TCF4: variants seen among roughly 807,000 people sequenced by gnomAD.
The protein encoded by TCF4 is SL3-3 enhancer factor 2.
In TCF4, 3 loss-of-function variants were observed where a neutral mutation model predicts 82.1. The observed-to-expected ratio is 0.04, with a 90% CI of 0.02 to 0.09. The LOEUF (loss-of-function observed/expected upper bound fraction) is 0.09, where lower values mean the gene tolerates loss of function less well. Among genes scored for constraint, TCF4 ranks in the 10% least tolerant of loss-of-function variants. The pLI is 1.00. For missense variants in TCF4, 518 were observed against 852.7 expected (o/e 0.61, Z 4.89); for synonymous variants, 276 against 309.6 (o/e 0.89, Z 1.14).
intron 3 of TCF4, among the ~76,000 whole-genome samples, chr18:55,561,684 T>G (rs993181952): frequency 2.0e-5 from 3 of 152,242 alleles, no homozygotes; most frequent in African/African-American, 7.2e-5. Flanking sequence ...TTTTAGTTTG[T>G]GTTTTAATTT....
chr18:55,479,782 T>C (rs2096381486), intron 3 of TCF4, among the ~76,000 whole-genome samples: 1 of 151,966 alleles, frequency 6.6e-6, no homozygotes, highest in Non-Finnish European at 1.5e-5. Context: ...GCTACTGAAG[T>C]TTGGGGATTG....
chr18:55,573,418 G>A (rs2097495857), intron 3 of TCF4, among the ~76,000 whole-genome samples: 1 of 151,946 alleles, frequency 6.6e-6, no homozygotes, highest in South Asian at 2.1e-4. Context: ...TGTAGAACCA[G>A]CAACCCTGTC....
chr18:55,511,914 G>T (rs535327501), intron 3 of TCF4, among the ~76,000 whole-genome samples: 1 of 151,902 alleles, frequency 6.6e-6, no homozygotes, highest in African/African-American at 2.4e-5. Context: ...AATCATTGCT[G>T]CAAAGCACTA....
intron 4 of TCF4, among the ~76,000 whole-genome samples, chr18:55,462,971 A>C (rs1332056371): frequency 6.6e-6 from 1 of 152,202 alleles, no homozygotes; most frequent in African/African-American, 2.4e-5. Flanking sequence ...ACTTGCTGAA[A>C]TGCCCTCATT....
intron 5 of TCF4, among the ~76,000 whole-genome samples, chr18:55,428,539 G>A (rs1029492573): frequency 7.2e-5 from 11 of 152,044 alleles, no homozygotes; most frequent in African/African-American, 1.9e-4. Context: ...TTCTCCTTTC[G>A]ACCTAGATAT....
chr18:55,272,087 T>A (rs1376674334), intron 10 of TCF4, among the ~76,000 whole-genome samples: 1 of 152,122 alleles, frequency 6.6e-6, no homozygotes, highest in Admixed American at 6.6e-5. Flanking sequence ...TGGGCCCTTT[T>A]AACTTTATGT....
At chr18:55,385,247 A>G (rs1309339363) in intron 6 of TCF4, among the ~76,000 whole-genome samples, 1 of 152,164 alleles carries the variant, frequency 6.6e-6, no homozygotes, top group African/African-American at 2.4e-5. Flanking sequence ...ATTTGAACAA[A>G]ATACAAATAC....
Position 55,283,266 on chromosome 18 carries a change from T to C in TCF4, c.550-3610A>G, listed in dbSNP as rs191840822. On this transcript the variant is annotated intron_variant, in intron 8 of 19. Coordinates refer to ENST00000354452, the MANE Select transcript of TCF4 (RefSeq NM_001083962.2). ...TTCCATTCAATGTTTCCAACTATTA[T>C]TTCTGCACTCATCAAAGAAAAAAAA... Among the ~76,000 whole-genome samples, 6 of 152,194 alleles carry C rather than the reference T, an allele frequency of 3.9e-5. No homozygotes were observed. In the East Asian group the frequency reaches 5.8e-4, roughly 15 times the overall value.
At chr18:55,462,977 T>A (rs2095901546) in intron 4 of TCF4, among the ~76,000 whole-genome samples, 1 of 152,192 alleles carries the variant, frequency 6.6e-6, no homozygotes, top group Non-Finnish European at 1.5e-5. Context: ...TGAAATGCCC[T>A]CATTTTGACA....
intron 15 of TCF4, among the ~76,000 whole-genome samples, chr18:55,250,823 T>C (rs2054831965): frequency 6.6e-6 from 1 of 152,212 alleles, no homozygotes; most frequent in Non-Finnish European, 1.5e-5. Flanking sequence ...GGCAGAGTCA[T>C]ATCTATAAAA....
At chr18:55,376,018 CTT>C (rs772990901) in intron 6 of TCF4, among the ~76,000 whole-genome samples, 10 of 122,744 alleles carry the variant, frequency 8.1e-5, no homozygotes, top group Admixed American at 8.4e-5. Flanking sequence ...TTTTCTTCTC[CTT>C]TTTTTTTTTT....
At chr18:55,249,782 G>A (rs1359093691) in intron 15 of TCF4, among the ~76,000 whole-genome samples, 2 of 152,196 alleles carry the variant, frequency 1.3e-5, no homozygotes, top group Non-Finnish European at 2.9e-5. Context: ...CAATGATCAC[G>A]TAGTTGCTGA....
intron 2 of TCF4, among the ~76,000 whole-genome samples, chr18:55,615,820 A>G (rs543125026): frequency 6.6e-6 from 1 of 152,248 alleles, no homozygotes; most frequent in Admixed American, 6.5e-5. Context: ...TCAATTGTTA[A>G]AACCAGCCTT....
chr18:55,495,575 G>A (rs1272817669), intron 3 of TCF4: 1 of 151,972 alleles, frequency 6.6e-6, no homozygotes, highest in Non-Finnish European at 1.5e-5. Context: ...AAAAATTCCT[G>A]GGCTGCAAAT....
chr18:55,303,244 C>CACACACACACACACACCCCT, intron 8 of TCF4, among the ~76,000 whole-genome samples: 3 of 150,524 alleles, frequency 2.0e-5, no homozygotes, highest in African/African-American at 2.5e-5. Context: ...CACACACACA[C>CACACACACACACACACCCCT]ACACACACAC....
intron 3 of TCF4, among the ~76,000 whole-genome samples, chr18:55,478,386 T>C (rs2096346026): frequency 6.6e-6 from 1 of 152,160 alleles, no homozygotes; most frequent in African/African-American, 2.4e-5. Context: ...CTTCAACCTT[T>C]CCATGTAAAA....
At chr18:55,558,524 G>A (rs1414934106) in intron 3 of TCF4, among the ~76,000 whole-genome samples, 1 of 152,020 alleles carries the variant, frequency 6.6e-6, no homozygotes, top group East Asian at 1.9e-4. Flanking sequence ...AAATAATTTT[G>A]AATTACTTAT....
Position 55,227,160 on chromosome 18 carries a change from C to G in TCF4, c.*875G>C, listed in dbSNP as rs2046699681. 1 of 151,690 alleles carries G rather than the reference C, an allele frequency of 6.6e-6. No individual in the cohort carries two copies. The highest frequency in any genetic ancestry group is 2.4e-5 in the African/African-American group (1 of 41,106). 9.4% of individuals were successfully genotyped at this position (151,690 alleles called of 1,614,324 possible). A position where few individuals can be genotyped will look rare whatever the true frequency, so the allele number is the denominator to read the frequency against. On this transcript the variant is annotated 3_prime_UTR_variant, in exon 20 of 20. Coordinates refer to ENST00000354452, the MANE Select transcript of TCF4 (RefSeq NM_001083962.2). ...TATGAATGAGAAGCAACATCAGGGT[C>G]AGCATTTCATCCTGCACTACCCCTC... is the stretch of plus-strand genomic sequence containing the variant.
At chr18:55,272,449 G>A (rs1346905133) in intron 10 of TCF4, among the ~76,000 whole-genome samples, 1 of 151,958 alleles carries the variant, frequency 6.6e-6, no homozygotes, top group Non-Finnish European at 1.5e-5. Context: ...GACATGAGGA[G>A]TGTGACAAAG....
Sources: allele counts gnomAD v4.1 joint callset (sites outside exome capture counted in the v4.1 genomes callset), GRCh38; gene constraint gnomAD v4.1.1; transcripts MANE v1.5; gene names NCBI Gene and HGNC (gene_info 2026-07-23, HGNC 2026-07-21).